Variants in HSP90AA1 observed in about 807,000 individuals in gnomAD.
HSP90AA1 encodes the protein heat shock protein HSP 90-alpha.
HSP90AA1 carries 18 observed loss-of-function variants against 73.3 expected under a neutral mutation model. The observed-to-expected ratio is 0.25, with a 90% confidence interval of 0.17 to 0.36. The LOEUF (loss-of-function observed/expected upper bound fraction) is 0.36. HSP90AA1 is among the 10% of genes least tolerant of loss of function. The probability of loss-of-function intolerance (pLI) is 1.00; values close to 1 mark genes in which losing one functional copy is unlikely to be tolerated. For synonymous variants in HSP90AA1, 477 were observed against 296.9 expected (o/e 1.61, Z -6.24); for missense variants, 704 against 874.2 (o/e 0.81, Z 2.45).
intron 6 of HSP90AA1, 106 bp from the exon 7 acceptor site, chr14:102,084,089 T>C: frequency 2.2e-6 from 2 of 913,012 alleles, no homozygotes; most frequent in South Asian, 2.8e-5. Context: ...GACGTATTTT[T>C]GAGACAGTCT....
rs2049210837 is a variant in HSP90AA1, at chr14:102,085,623, TTAA to T, written c.529+132_529+134del. On this transcript the variant is annotated intron_variant, in intron 3 of 10. Transcript: ENST00000216281. Reference sequence around the variant, plus strand: ...CCACCAAGTCATGCCATTACACTAATTAAGTGCTCTAGCTTGTTCCTGATCGTT... The same window carrying T: ...CCACCAAGTCATGCCATTACACTAATGTGCTCTAGCTTGTTCCTGATCGTT... 15 of 1,383,492 alleles carry T rather than the reference TTAA, an allele frequency of 1.1e-5. No homozygotes were observed. The East Asian group carries it at 3.2e-4, about 30-fold the overall frequency. 85.7% of individuals were successfully genotyped at this position (1,383,492 alleles called of 1,614,324 possible).
At chr14:102,085,134 A>C (rs2049194525) in intron 4 of HSP90AA1, 136 bp from the exon 5 acceptor site, 7 of 1,501,282 alleles carry the variant, frequency 4.7e-6, no homozygotes, top group Non-Finnish European at 6.5e-6. Context: ...TCAATATTTG[A>C]TACATCCACT....
At chr14:102,082,556 G>C (rs1454387143) in intron 9 of HSP90AA1, 112 bp from the exon 10 acceptor site, 3 of 780,734 alleles carry the variant, frequency 3.8e-6, no homozygotes, top group South Asian at 1.5e-5. Context: ...ACTATCTACT[G>C]TCAAATACAA....
chr14:102,094,740 G>A (rs1370436115), intron 2 of HSP90AA1, among the ~76,000 whole-genome samples: 1 of 152,242 alleles, frequency 6.6e-6, no homozygotes, highest in Non-Finnish European at 1.5e-5. Flanking sequence ...TGGAGCTGAA[G>A]TCAGAGGTAG....
intron 1 of HSP90AA1, among the ~76,000 whole-genome samples, chr14:102,133,671 C>G (rs1214030282): frequency 6.6e-6 from 1 of 151,754 alleles, no homozygotes; most frequent in African/African-American, 2.4e-5. Context: ...TCAGTAGAGA[C>G]GGGGTTTCTC....
chr14:102,083,540 T>C lies in HSP90AA1; in HGVS notation c.1486+6A>G. 6.2e-7 allele frequency: 1 copy of C among 1,613,188 alleles called. No homozygotes were observed. Among genetic ancestry groups the C allele is most frequent in the Non-Finnish European group, 8.5e-7 (1 of 1,179,518 alleles). ...CGTGTATGACTGTAACATAGTGTTC[T>C]CTTACCTGTGATATAATAGATATGT... On this transcript the variant is annotated splice_donor_region_variant and intron_variant, in intron 8 of 10. Coordinates refer to ENST00000216281, the MANE Select transcript of HSP90AA1 (RefSeq NM_005348.4).
intron 1 of HSP90AA1, among the ~76,000 whole-genome samples, chr14:102,104,934 C>A (rs1448153344): frequency 6.6e-6 from 1 of 151,386 alleles, no homozygotes; most frequent in Non-Finnish European, 1.5e-5. Flanking sequence ...CGCAGTGGCT[C>A]ACACCTGTAA....
intron 9 of HSP90AA1, chr14:102,082,744 C>T (rs1165172340): frequency 9.9e-6 from 5 of 503,460 alleles, no homozygotes; most frequent in Non-Finnish European, 1.1e-5. Context: ...CCTCAGCCTC[C>T]CAAGTGGCTA....
rs767323889 is a variant in HSP90AA1, at chr14:102,081,674, T to C, written c.*38A>G. ...TGAAAATATATTATCAGAGGAATTGTAGAGTACTGAACAGGTAAGTCATCC... is the reference window on the plus strand; with the variant it reads ...TGAAAATATATTATCAGAGGAATTGCAGAGTACTGAACAGGTAAGTCATCC... On this transcript the variant is annotated 3_prime_UTR_variant, in exon 11 of 11. Coordinates refer to ENST00000216281, the MANE Select transcript of HSP90AA1 (RefSeq NM_005348.4). 1 of 853,884 alleles carries C rather than the reference T, an allele frequency of 1.2e-6. No individual in the cohort carries two copies. The highest frequency in any genetic ancestry group is 2.1e-6 in the Non-Finnish European group (1 of 485,084). 52.9% of individuals were successfully genotyped at this position (853,884 alleles called of 1,614,324 possible).
rs184523237 is a variant in HSP90AA1, at chr14:102,136,614, G to C, written c.155+2636C>G. Among the ~76,000 whole-genome samples the C allele has an allele frequency of 4.3e-3, 656 of 150,966 alleles. 17 individuals carry two copies. In the East Asian group the frequency reaches 0.044, roughly 10 times the overall value. On this transcript the variant is annotated intron_variant, in intron 1 of 11. Transcript: ENST00000334701. ...AAGAAATACCCGGTTTGGGCCGGGC[G>C]CGGTGGCTCACGCCTATAATCCCAG... is the stretch of plus-strand genomic sequence containing the variant.
intron 1 of HSP90AA1, among the ~76,000 whole-genome samples, chr14:102,103,180 CAA>C (rs898771022): frequency 7.3e-4 from 27 of 37,220 alleles, no homozygotes; most frequent in African/African-American, 1.1e-3. Context: ...GACTCAGTCT[CAA>C]AAAAAAAAAA....
At chr14:102,135,281 C>T (rs2049974607) in intron 1 of HSP90AA1, among the ~76,000 whole-genome samples, 1 of 145,062 alleles carries the variant, frequency 6.9e-6, no homozygotes, top group Non-Finnish European at 1.5e-5. Flanking sequence ...TGTTTACAAA[C>T]CTTGAGCTAG....
chr14:102,111,716 C>T (rs562798003), intron 1 of HSP90AA1, among the ~76,000 whole-genome samples: 40 of 152,310 alleles, frequency 2.6e-4, no homozygotes, highest in Non-Finnish European at 5.3e-4. Flanking sequence ...AATTTTGAAG[C>T]CATTTCTCAA....
chr14:102,109,314 T>TCAAC (rs2049609952), intron 1 of HSP90AA1, among the ~76,000 whole-genome samples: 1 of 152,162 alleles, frequency 6.6e-6, no homozygotes, highest in South Asian at 2.1e-4. Context: ...CCTGATACGG[T>TCAAC]TTGGCTGTGT....
intron 4 of HSP90AA1, 122 bp downstream of exon 4, chr14:102,085,176 T>C (rs1400209478): frequency 1.4e-6 from 2 of 1,402,614 alleles, no homozygotes; most frequent in African/African-American, 1.4e-5. Flanking sequence ...CAGAGTTAGG[T>C]AGTAGAGCTT....
chr14:102,086,382 G>A lies in HSP90AA1; in HGVS notation c.1-4C>T, dbSNP rs753204432. 5.0e-6 allele frequency: 8 copies of A among 1,614,056 alleles called. No individual in the cohort carries two copies. Among genetic ancestry groups the A allele is most frequent in the South Asian group, 3.3e-5 (3 of 91,096 alleles). ...GGGTCTGGGTTTCCTCAGGCATCTG[G>A]AACGACACCGCGCCGGTTTAAAACC... On this transcript the variant is annotated splice_polypyrimidine_tract_variant and splice_region_variant and intron_variant, in intron 1 of 10. Coordinates refer to ENST00000216281, the MANE Select transcript of HSP90AA1 (RefSeq NM_005348.4).
Position 102,084,529 on chromosome 14 carries a change from G to A in HSP90AA1, c.1017C>T (p.Ala339=), listed in dbSNP as rs774063444. The A allele has an allele frequency of 3.7e-6, 6 of 1,614,176 alleles. No individual in the cohort carries two copies. The highest frequency in any genetic ancestry group is 5.1e-6 in the Non-Finnish European group (6 of 1,180,016). The stretch of plus-strand genomic sequence containing the variant: ...GAGCACGTCGTGGGACAAATAGAAG[G>A]GCTCTGAATTCCAACTGTCCTTCAA... ...FSVEGQLEFR[A]LLFVPRRAPF... is the part of the protein sequence containing the mutation. Residue 339 remains alanine, a synonymous_variant, in exon 6 of 11, where the codon GCC becomes GCT. Coordinates refer to ENST00000216281, the MANE Select transcript of HSP90AA1 (RefSeq NM_005348.4).
chr14:102,105,424 G>C (rs1217598945), intron 1 of HSP90AA1, among the ~76,000 whole-genome samples: 1 of 152,088 alleles, frequency 6.6e-6, no homozygotes, highest in Non-Finnish European at 1.5e-5. Context: ...ACGAGAAAAG[G>C]CTTCCCAAAG....
intron 2 of HSP90AA1, among the ~76,000 whole-genome samples, chr14:102,098,459 CTTTTT>C (rs55683551): frequency 1.7e-4 from 13 of 75,454 alleles, no homozygotes; most frequent in Admixed American, 3.7e-4. Flanking sequence ...TGCACCTGGC[CTTTTT>C]TTTTTTTTTT....
Sources: allele counts gnomAD v4.1 joint callset (sites outside exome capture counted in the v4.1 genomes callset), GRCh38; gene constraint gnomAD v4.1.1; transcripts MANE v1.5; gene names NCBI Gene and HGNC (gene_info 2026-07-23, HGNC 2026-07-21).